GPC5: variants seen among roughly 807,000 people sequenced by gnomAD.
GPC5 encodes the protein glypican 5.
GPC5 carries 47 observed loss-of-function variants against 53.9 expected under a neutral mutation model. The ratio of observed to expected loss-of-function variants is 0.87; its 90% CI spans 0.69 to 1.11. The LOEUF (loss-of-function observed/expected upper bound fraction) is 1.11, where lower values mean the gene tolerates loss of function less well. Ranked by LOEUF, GPC5 falls within the 50% of genes most tolerant of loss-of-function variation. The probability of loss-of-function intolerance (pLI) is 0.00; values close to 1 mark genes in which losing one functional copy is unlikely to be tolerated. For missense variants in GPC5, 748 were observed against 713.1 expected, an observed-to-expected ratio of 1.05 and a Z score of -0.56; for synonymous variants, 286 against 263.3, an observed-to-expected ratio of 1.09 and a Z score of -0.84.
intron 7 of GPC5, among the ~76,000 whole-genome samples, chr13:92,514,591 C>T (rs963706149): frequency 6.6e-6 from 1 of 152,136 alleles, no homozygotes; most frequent in Non-Finnish European, 1.5e-5. Context: ...CAAATACATG[C>T]TCCAGATGAC....
In GPC5 at chr13:92,286,389, A is replaced by G. The variant is rs181662914; in HGVS notation, c.1561+141400A>G. 4.3e-3 allele frequency among the ~76,000 whole-genome samples: 655 copies of G among 152,336 alleles called. 3 individuals carry two copies. Among genetic ancestry groups the G allele is most frequent in the Non-Finnish European group, 6.6e-3 (447 of 68,022 alleles). ...GACCCAGCCATCCCATTACGGGTAT[A>G]TACCCAAAGGATTACAAATCATGCT... On this transcript the variant is annotated intron_variant, in intron 7 of 7. Coordinates refer to ENST00000377067, the MANE Select transcript of GPC5 (RefSeq NM_004466.6).
At chr13:92,786,380 G>A (rs1876232712) in intron 7 of GPC5, among the ~76,000 whole-genome samples, 1 of 152,078 alleles carries the variant, frequency 6.6e-6, no homozygotes, top group Non-Finnish European at 1.5e-5. Flanking sequence ...GTAGCTTGTT[G>A]TGGTAAGTTG....
chr13:92,294,723 C>A (rs539762249), intron 7 of GPC5, among the ~76,000 whole-genome samples: 51 of 151,284 alleles, frequency 3.4e-4, no homozygotes, highest in African/African-American at 1.2e-3. Flanking sequence ...TGGTTATTTC[C>A]TTTCTTCTGC....
At chr13:92,525,919 G>A (rs1472925181) in intron 7 of GPC5, among the ~76,000 whole-genome samples, 3 of 152,046 alleles carry the variant, frequency 2.0e-5, no homozygotes, top group Admixed American at 2.0e-4. Context: ...CCAACGTTAA[G>A]CATTGAATGT....
chr13:92,661,229 T>C (rs1378899263), intron 7 of GPC5, among the ~76,000 whole-genome samples: 3 of 151,810 alleles, frequency 2.0e-5, no homozygotes, highest in Non-Finnish European at 4.4e-5. Context: ...CAAGAGGTAA[T>C]GTCTGCAGTT....
intron 7 of GPC5, among the ~76,000 whole-genome samples, chr13:92,412,707 A>G (rs1189931956): frequency 1.3e-5 from 2 of 152,164 alleles, no homozygotes; most frequent in African/African-American, 4.8e-5. Flanking sequence ...TTAAAGCTTG[A>G]ATTATTTACC....
intron 2 of GPC5, among the ~76,000 whole-genome samples, chr13:91,525,887 G>A (rs991208976): frequency 6.6e-6 from 1 of 152,156 alleles, no homozygotes; most frequent in Non-Finnish European, 1.5e-5. Flanking sequence ...TTACAAAAAT[G>A]ATCCTAAATT....
intron 7 of GPC5, among the ~76,000 whole-genome samples, chr13:92,290,520 G>A (rs2042986341): frequency 6.6e-6 from 1 of 152,000 alleles, no homozygotes; most frequent in African/African-American, 2.4e-5. Flanking sequence ...AAAGTCCACT[G>A]TGTCATTCTT....
chr13:91,575,329 A>G (rs1372214737), intron 2 of GPC5, among the ~76,000 whole-genome samples: 1 of 152,146 alleles, frequency 6.6e-6, no homozygotes, highest in Non-Finnish European at 1.5e-5. Context: ...AATAAATGAA[A>G]TGTTAACCCC....
At chr13:91,620,343 G>A (rs1404344188) in intron 2 of GPC5, among the ~76,000 whole-genome samples, 9 of 152,210 alleles carry the variant, frequency 5.9e-5, no homozygotes, top group African/African-American at 2.2e-4. Context: ...ATTATGAGAT[G>A]AACATGAGTC....
chr13:92,402,279 G>C (rs377670129), intron 7 of GPC5, among the ~76,000 whole-genome samples: 3 of 152,040 alleles, frequency 2.0e-5, no homozygotes, highest in Non-Finnish European at 4.4e-5. Context: ...ACAAAATAGC[G>C]TGTATACACC....
At chr13:92,275,042 G>C (rs1415156458) in intron 7 of GPC5, among the ~76,000 whole-genome samples, 1 of 151,848 alleles carries the variant, frequency 6.6e-6, no homozygotes, top group African/African-American at 2.4e-5. Flanking sequence ...CTTCCCTTGA[G>C]CATAAGATAA....
intron 6 of GPC5, among the ~76,000 whole-genome samples, chr13:92,080,549 T>C (rs990105669): frequency 6.6e-6 from 1 of 152,340 alleles, no homozygotes; most frequent in African/African-American, 2.4e-5. Flanking sequence ...CACTTATATT[T>C]GAACAATTCT....
intron 7 of GPC5, among the ~76,000 whole-genome samples, chr13:92,762,749 G>T (rs1875237047): frequency 6.6e-6 from 1 of 152,000 alleles, no homozygotes; most frequent in African/African-American, 2.4e-5. Flanking sequence ...TTCATAGTTT[G>T]TCTTCACTCT....
At chr13:91,869,034 T>C (rs79691439) in intron 5 of GPC5, among the ~76,000 whole-genome samples, 5,432 of 151,982 alleles carry the variant, frequency 0.036, 130 homozygotes, top group Middle Eastern at 0.062. Flanking sequence ...TTGTTTTTTG[T>C]TTTGTTTCGT....
At chr13:92,268,160 C>T (rs1289453276) in intron 7 of GPC5, among the ~76,000 whole-genome samples, 4 of 151,812 alleles carry the variant, frequency 2.6e-5, no homozygotes, top group African/African-American at 4.8e-5. Flanking sequence ...TGTGCTATCA[C>T]GTAAACTGTT....
chr13:92,050,586 A>G (rs1469136849), intron 6 of GPC5, among the ~76,000 whole-genome samples: 1 of 152,218 alleles, frequency 6.6e-6, no homozygotes, highest in Non-Finnish European at 1.5e-5. Flanking sequence ...TGGAGACAGC[A>G]GTGGGAAGAC....
intron 2 of GPC5, among the ~76,000 whole-genome samples, chr13:91,535,686 A>G (rs920880246): frequency 2.0e-5 from 3 of 152,270 alleles, no homozygotes; most frequent in Middle Eastern, 3.4e-3. Flanking sequence ...TATACATAAA[A>G]AAATGGACGT....
At chr13:91,722,380 T>G (rs941143034) in intron 3 of GPC5, among the ~76,000 whole-genome samples, 1 of 152,210 alleles carries the variant, frequency 6.6e-6, no homozygotes, top group African/African-American at 2.4e-5. Flanking sequence ...CACTTGTCAC[T>G]TGGGCTTACA....
Sources: allele counts gnomAD v4.1 joint callset (sites outside exome capture counted in the v4.1 genomes callset), GRCh38; gene constraint gnomAD v4.1.1; transcripts MANE v1.5; gene names NCBI Gene and HGNC (gene_info 2026-07-23, HGNC 2026-07-21).